KCNH7: variants seen among roughly 807,000 people sequenced by gnomAD.
The protein encoded by KCNH7 is potassium voltage-gated channel subfamily H member 7.
A neutral mutation model predicts 120.8 loss-of-function variants in KCNH7; 49 were observed. The observed-to-expected ratio is 0.41, with a 90% confidence interval of 0.32 to 0.51. KCNH7 has a LOEUF of 0.51. KCNH7 is among the 20% of genes least tolerant of loss of function. The probability of loss-of-function intolerance (pLI) is 0.38; values close to 1 mark genes in which losing one functional copy is unlikely to be tolerated. For synonymous variants in KCNH7, 547 were observed against 516.1 expected, an observed-to-expected ratio of 1.06 and a Z score of -0.81; for missense variants, 1,097 against 1,446.6, an observed-to-expected ratio of 0.76 and a Z score of 3.92.
chr2:162,736,552 C>T (rs572225576), intron 2 of KCNH7, among the ~76,000 whole-genome samples: 6 of 152,002 alleles, frequency 3.9e-5, no homozygotes, highest in Non-Finnish European at 5.9e-5. Context: ...TGGAAATTAC[C>T]CCAAAGGTAA....
chr2:162,639,541 T>C (rs1684075650), intron 2 of KCNH7, among the ~76,000 whole-genome samples: 1 of 152,056 alleles, frequency 6.6e-6, no homozygotes. Flanking sequence ...AGTATAGTCT[T>C]TACCTGGCCT....
chr2:162,560,291 G>C (rs1352294947), intron 2 of KCNH7, among the ~76,000 whole-genome samples: 2 of 152,156 alleles, frequency 1.3e-5, no homozygotes, highest in Admixed American at 6.5e-5. Flanking sequence ...GTAAGGCTCT[G>C]GACTTAGAGA....
At chr2:162,799,459 G>A (rs1422094677) in intron 2 of KCNH7, among the ~76,000 whole-genome samples, 3 of 151,544 alleles carry the variant, frequency 2.0e-5, no homozygotes, top group Non-Finnish European at 4.4e-5. Context: ...TTAAAGATAA[G>A]GTAAATATTA....
At chr2:162,417,969 A>G (rs1356565360) in intron 9 of KCNH7, among the ~76,000 whole-genome samples, 2 of 152,122 alleles carry the variant, frequency 1.3e-5, no homozygotes, top group Non-Finnish European at 2.9e-5. Flanking sequence ...TTGCCTTTTA[A>G]AAGCACCTGC....
chr2:162,623,898 A>G (rs1253257786), intron 2 of KCNH7, among the ~76,000 whole-genome samples: 2 of 152,188 alleles, frequency 1.3e-5, no homozygotes, highest in African/African-American at 4.8e-5. Flanking sequence ...TCCTCAGTTT[A>G]TTACCTGCAG....
intron 2 of KCNH7, chr2:162,796,536 G>T (rs1171034678): frequency 6.6e-6 from 1 of 152,118 alleles, no homozygotes; most frequent in Non-Finnish European, 1.5e-5. Flanking sequence ...TAATTCAGGT[G>T]ATATAATTGC....
At chr2:162,706,974 A>G (rs1357272567) in intron 2 of KCNH7, among the ~76,000 whole-genome samples, 1 of 152,138 alleles carries the variant, frequency 6.6e-6, no homozygotes, top group African/African-American at 2.4e-5. Context: ...CTCCGGTTTC[A>G]TGGTGTTCTT....
In KCNH7 at chr2:162,399,802, G is replaced by A. The variant is rs572271821; in HGVS notation, c.2407+387C>T. 3.3e-5 allele frequency among the ~76,000 whole-genome samples: 5 copies of A among 151,876 alleles called. No individual in the cohort carries two copies. The South Asian group carries it at 8.3e-4, about 25-fold the overall frequency. ...AAACCCAGTTCATGACAGGGCTTTGGCACATGCTAGCAAGTATTTCCTACA... is the reference window on the plus strand; with the variant it reads ...AAACCCAGTTCATGACAGGGCTTTGACACATGCTAGCAAGTATTTCCTACA... On this transcript the variant is annotated intron_variant, in intron 10 of 15. Coordinates refer to ENST00000332142, the MANE Select transcript of KCNH7 (RefSeq NM_033272.4).
At chr2:162,526,850 G>A (rs1301182819) in intron 3 of KCNH7, among the ~76,000 whole-genome samples, 1 of 152,036 alleles carries the variant, frequency 6.6e-6, no homozygotes, top group Non-Finnish European at 1.5e-5. Flanking sequence ...GACAGGCATA[G>A]GAAATCACAA....
At chr2:162,398,907 A>C (rs1199216920) in intron 10 of KCNH7, among the ~76,000 whole-genome samples, 2 of 151,902 alleles carry the variant, frequency 1.3e-5, no homozygotes, top group Admixed American at 1.3e-4. Flanking sequence ...AAATTTGGGA[A>C]ATGTAAAAAA....
chr2:162,804,634 G>A (rs1296110100), intron 2 of KCNH7, among the ~76,000 whole-genome samples: 1 of 151,950 alleles, frequency 6.6e-6, no homozygotes, highest in African/African-American at 2.4e-5. Flanking sequence ...CATGCTCATG[G>A]ATTGGAAGAA....
intron 2 of KCNH7, among the ~76,000 whole-genome samples, chr2:162,830,236 T>C (rs918611626): frequency 6.6e-6 from 1 of 152,128 alleles, no homozygotes; most frequent in Admixed American, 6.5e-5. Flanking sequence ...GAAATATTCA[T>C]TATAGGTAAA....
At chr2:162,429,787 T>C (rs1248591209) in intron 8 of KCNH7, among the ~76,000 whole-genome samples, 2 of 151,168 alleles carry the variant, frequency 1.3e-5, no homozygotes, top group Admixed American at 6.6e-5. Flanking sequence ...ACTGGACTTC[T>C]TGGATATGTG....
chr2:162,630,746 G>A (rs981225165), intron 2 of KCNH7, among the ~76,000 whole-genome samples: 1 of 152,084 alleles, frequency 6.6e-6, no homozygotes, highest in Admixed American at 6.6e-5. Context: ...AGGTCTAAAG[G>A]TTGGGTCAGC....
intron 2 of KCNH7, among the ~76,000 whole-genome samples, chr2:162,716,535 C>T (rs1687130521): frequency 6.6e-6 from 1 of 152,094 alleles, no homozygotes; most frequent in South Asian, 2.1e-4. Flanking sequence ...TTTACATTAG[C>T]ACGATCTTGT....
At chr2:162,589,355 G>C (rs1478890320) in intron 2 of KCNH7, among the ~76,000 whole-genome samples, 1 of 152,000 alleles carries the variant, frequency 6.6e-6, no homozygotes, top group Non-Finnish European at 1.5e-5. Flanking sequence ...ATTCTTCTTT[G>C]TAGCTTAGAT....
intron 2 of KCNH7, among the ~76,000 whole-genome samples, chr2:162,577,314 T>TATC (rs1693706777): frequency 1.4e-5 from 2 of 147,300 alleles, no homozygotes; most frequent in African/African-American, 5.0e-5. Context: ...TCTATCTATC[T>TATC]ATCTATCTAT....
intron 2 of KCNH7, among the ~76,000 whole-genome samples, chr2:162,813,450 G>A (rs2105573909): frequency 6.6e-6 from 1 of 152,164 alleles, no homozygotes; most frequent in East Asian, 1.9e-4. Flanking sequence ...GCCATCAGGG[G>A]TGATTGGTGA....
At chr2:162,524,953 G>A (rs1396075024) in intron 3 of KCNH7, among the ~76,000 whole-genome samples, 1 of 151,902 alleles carries the variant, frequency 6.6e-6, no homozygotes, top group Non-Finnish European at 1.5e-5. Flanking sequence ...ATCATTCAAT[G>A]TGAACTCAGT....
Sources: allele counts gnomAD v4.1 joint callset (sites outside exome capture counted in the v4.1 genomes callset), GRCh38; gene constraint gnomAD v4.1.1; transcripts MANE v1.5; gene names NCBI Gene and HGNC (gene_info 2026-07-23, HGNC 2026-07-21).